LRRC4C: variants seen among roughly 807,000 people sequenced by gnomAD.
LRRC4C encodes leucine-rich repeat-containing protein 4C.
A neutral mutation model predicts 33.6 loss-of-function variants in LRRC4C; 5 were observed. That is an observed-to-expected ratio of 0.15 (90% CI 0.08 to 0.31). LRRC4C has a LOEUF of 0.31. LRRC4C is among the 10% of genes least tolerant of loss of function. The pLI is 1.00. For synonymous variants in LRRC4C, 329 were observed against 302.0 expected (o/e 1.09, Z -0.93); for missense variants, 560 against 796.7 (o/e 0.70, Z 3.58).
chr11:41,093,494 T>C (rs1044533498), intron 1 of LRRC4C, among the ~76,000 whole-genome samples: 5 of 152,220 alleles, frequency 3.3e-5, no homozygotes. Context: ...ATCTCTCCTC[T>C]ACTGTAAATA....
At chr11:40,366,026 A>T (rs995110294) in intron 3 of LRRC4C, among the ~76,000 whole-genome samples, 2 of 152,062 alleles carry the variant, frequency 1.3e-5, no homozygotes, top group African/African-American at 4.8e-5. Flanking sequence ...CAGGGATTTA[A>T]TCTCAACATA....
intron 5 of LRRC4C, among the ~76,000 whole-genome samples, chr11:40,180,562 C>A (rs1388098705): frequency 6.6e-6 from 1 of 152,132 alleles, no homozygotes; most frequent in Non-Finnish European, 1.5e-5. Context: ...GAGCACATTT[C>A]TGGGATGATT....
At chr11:40,629,571 G>A (rs928720587) in intron 3 of LRRC4C, among the ~76,000 whole-genome samples, 1 of 152,088 alleles carries the variant, frequency 6.6e-6, no homozygotes, top group Non-Finnish European at 1.5e-5. Context: ...TGCACTTTCT[G>A]CTGACAAGAA....
intron 5 of LRRC4C, among the ~76,000 whole-genome samples, chr11:40,200,789 G>GAAAAC (rs1416822218): frequency 1.6e-4 from 16 of 98,374 alleles, no homozygotes; most frequent in South Asian, 3.4e-4. Flanking sequence ...AAAAAAAAAA[G>GAAAAC]AAAAGAAAAG....
intron 2 of LRRC4C, among the ~76,000 whole-genome samples, chr11:40,915,955 A>G (rs1004454902): frequency 3.9e-5 from 6 of 152,240 alleles, no homozygotes; most frequent in Non-Finnish European, 7.3e-5. Flanking sequence ...AATGCTCATC[A>G]TCACTTGCCA....
intron 5 of LRRC4C, among the ~76,000 whole-genome samples, chr11:40,217,301 G>A (rs1435527249): frequency 1.3e-5 from 2 of 152,144 alleles, no homozygotes; most frequent in East Asian, 3.9e-4. Context: ...GGAAATTAAA[G>A]TCTAGCAACA....
intron 1 of LRRC4C, among the ~76,000 whole-genome samples, chr11:41,251,316 A>T (rs1055626201): frequency 1.3e-5 from 2 of 152,198 alleles, no homozygotes; most frequent in Non-Finnish European, 2.9e-5. Context: ...CATCACTAAC[A>T]TCTAATTCTT....
chr11:40,773,683 C>T (rs1451614402), intron 2 of LRRC4C, among the ~76,000 whole-genome samples: 4 of 151,900 alleles, frequency 2.6e-5, no homozygotes, highest in Admixed American at 6.6e-5. Flanking sequence ...ATTATTGTTA[C>T]CACTTAACTC....
At chr11:40,173,019 T>A (rs987434103) in intron 5 of LRRC4C, among the ~76,000 whole-genome samples, 1 of 152,158 alleles carries the variant, frequency 6.6e-6, no homozygotes. Flanking sequence ...GTCATGAGAC[T>A]GAAGCAGTAC....
At chr11:40,182,737 C>T (rs1018271604) in intron 5 of LRRC4C, among the ~76,000 whole-genome samples, 1 of 152,110 alleles carries the variant, frequency 6.6e-6, no homozygotes, top group African/African-American at 2.4e-5. Context: ...ATGCATGGAG[C>T]TCTAGGTTGA....
intron 3 of LRRC4C, among the ~76,000 whole-genome samples, chr11:40,638,632 G>A (rs1302337678): frequency 6.6e-6 from 1 of 152,026 alleles, no homozygotes; most frequent in East Asian, 1.9e-4. Context: ...TAATTAAATG[G>A]AGGAAGTTCT....
chr11:40,303,038 G>A (rs773424118), intron 4 of LRRC4C, among the ~76,000 whole-genome samples: 1 of 151,992 alleles, frequency 6.6e-6, no homozygotes, highest in African/African-American at 2.4e-5. Flanking sequence ...TTTCTTTTTG[G>A]GGAGTTTTTT....
At chr11:40,206,535 C>A (rs1863169515) in intron 5 of LRRC4C, among the ~76,000 whole-genome samples, 1 of 152,192 alleles carries the variant, frequency 6.6e-6, no homozygotes, top group Admixed American at 6.5e-5. Flanking sequence ...AGCCACCGCA[C>A]CTGGCCTATT....
intron 1 of LRRC4C, among the ~76,000 whole-genome samples, chr11:41,315,538 G>A (rs1950761986): frequency 6.6e-6 from 1 of 152,176 alleles, no homozygotes; most frequent in Non-Finnish European, 1.5e-5. Flanking sequence ...TGCCAGCCAT[G>A]TGGGTAAGTC....
At chr11:41,314,023 T>C (rs1289489451) in intron 1 of LRRC4C, among the ~76,000 whole-genome samples, 1 of 152,190 alleles carries the variant, frequency 6.6e-6, no homozygotes, top group Non-Finnish European at 1.5e-5. Context: ...TCATAGGCAG[T>C]TTCCTTCTTT....
chr11:40,432,193 T>A (rs1950962132), intron 3 of LRRC4C, among the ~76,000 whole-genome samples: 1 of 141,820 alleles, frequency 7.1e-6, no homozygotes, highest in Middle Eastern at 3.4e-3. Context: ...CCATGCATTT[T>A]TTTTTTCTTC....
intron 2 of LRRC4C, among the ~76,000 whole-genome samples, chr11:40,775,024 AAAAT>A (rs994975321): frequency 3.9e-5 from 6 of 151,914 alleles, no homozygotes; most frequent in East Asian, 3.9e-4. Context: ...ACATATAATA[AAAAT>A]AAATAAATAA....
intron 1 of LRRC4C, among the ~76,000 whole-genome samples, chr11:41,115,766 C>A (rs113603062): frequency 1.3e-5 from 2 of 152,098 alleles, no homozygotes; most frequent in South Asian, 4.1e-4. Flanking sequence ...TGTGCACTAA[C>A]ATTGTCCTTG....
At chr11:41,413,104 G>A (rs1247066404) in intron 1 of LRRC4C, among the ~76,000 whole-genome samples, 1 of 151,136 alleles carries the variant, frequency 6.6e-6, no homozygotes, top group South Asian at 2.1e-4. Context: ...ATTGATTAGA[G>A]CAGGAAAGTT....
Sources: gnomAD v4.1 joint callset for allele counts (sites outside exome capture counted in the v4.1 genomes callset) on GRCh38, gnomAD v4.1.1 for gene constraint, MANE v1.5 for transcripts, NCBI Gene and HGNC (gene_info 2026-07-23, HGNC 2026-07-21) for gene names.